TCF12: variants seen among roughly 807,000 people sequenced by gnomAD.
TCF12 encodes the protein DNA-binding protein HTF4.
In TCF12, 45 loss-of-function variants were observed where a neutral mutation model predicts 86.0. That is an observed-to-expected ratio of 0.52 (90% CI 0.41 to 0.67). TCF12 has a LOEUF of 0.67. TCF12 is among the 30% of genes least tolerant of loss of function. TCF12 has a pLI of 0.00. For synonymous variants in TCF12, 330 were observed against 299.6 expected (o/e 1.10, Z -1.05); for missense variants, 881 against 859.9 (o/e 1.02, Z -0.31).
chr15:57,120,160 A>G (rs150396112), intron 5 of TCF12, among the ~76,000 whole-genome samples: 5 of 152,126 alleles, frequency 3.3e-5, no homozygotes, highest in African/African-American at 1.2e-4. Flanking sequence ...TGCGTTGACT[A>G]CTCGGATGTA....
chr15:56,958,263 C>T (rs79526746), intron 3 of TCF12, among the ~76,000 whole-genome samples: 1 of 152,174 alleles, frequency 6.6e-6, no homozygotes, highest in African/African-American at 2.4e-5. Context: ...CCCTGGCCTG[C>T]AAACTTTCTT....
chr15:57,021,153 T>A (rs1469314685), intron 3 of TCF12, among the ~76,000 whole-genome samples: 1 of 152,144 alleles, frequency 6.6e-6, no homozygotes, highest in Non-Finnish European at 1.5e-5. Flanking sequence ...TAAAAAGAAG[T>A]TTAACTTTTC....
intron 4 of TCF12, among the ~76,000 whole-genome samples, chr15:57,065,972 C>T (rs1596359810): frequency 6.6e-6 from 1 of 152,094 alleles, no homozygotes. Context: ...ATTTTTGTTC[C>T]CATTGAAATC....
chr15:56,985,339 ATTTTAAAT>A (rs2140919677), intron 3 of TCF12, among the ~76,000 whole-genome samples: 1 of 152,326 alleles, frequency 6.6e-6, no homozygotes, highest in South Asian at 2.1e-4. Flanking sequence ...GCAAAGGATT[ATTTTAAAT>A]TGTGAGTCAG....
chr15:57,194,996 G>A (rs987484077), intron 7 of TCF12, among the ~76,000 whole-genome samples: 5 of 152,050 alleles, frequency 3.3e-5, no homozygotes, highest in East Asian at 1.9e-4. Flanking sequence ...TCTGCCTCCC[G>A]GGCTCAAGCG....
chr15:57,110,845 T>C (rs1340636914), intron 5 of TCF12, among the ~76,000 whole-genome samples: 2 of 152,230 alleles, frequency 1.3e-5, no homozygotes, highest in Admixed American at 6.5e-5. Flanking sequence ...TGAAACACTC[T>C]AGAAGCTTTA....
intron 16 of TCF12, among the ~76,000 whole-genome samples, chr15:57,254,838 A>G (rs557776614): frequency 6.9e-6 from 1 of 144,324 alleles, no homozygotes; most frequent in South Asian, 2.2e-4. Context: ...AGCCTAGGCC[A>G]TAGAGCATGA....
chr15:56,936,810 T>C (rs137867465), intron 3 of TCF12, among the ~76,000 whole-genome samples: 13 of 152,324 alleles, frequency 8.5e-5, no homozygotes, highest in Middle Eastern at 3.4e-3. Context: ...TTCTGGGTTC[T>C]GTATTCTGTT....
At chr15:57,219,632 A>C (rs1206943493) in intron 8 of TCF12, 1 of 1,592,856 alleles carries the variant, frequency 6.3e-7, no homozygotes, top group Non-Finnish European at 8.6e-7. Context: ...CACTTGTTTA[A>C]AGGAAAGCAG....
intron 8 of TCF12, among the ~76,000 whole-genome samples, chr15:57,228,907 AGACT>A (rs1260933367): frequency 6.6e-6 from 1 of 151,998 alleles, no homozygotes; most frequent in Non-Finnish European, 1.5e-5. Context: ...CAAGTATGAG[AGACT>A]GACTTACTGT....
chr15:57,113,232 A>C (rs190116174), intron 5 of TCF12, among the ~76,000 whole-genome samples: 3 of 152,236 alleles, frequency 2.0e-5, no homozygotes, highest in Admixed American at 2.0e-4. Flanking sequence ...ATGACACTGA[A>C]TTTCTTCTTA....
intron 3 of TCF12, among the ~76,000 whole-genome samples, chr15:56,975,504 A>G (rs976042242): frequency 6.6e-6 from 1 of 152,196 alleles, no homozygotes; most frequent in Non-Finnish European, 1.5e-5. Context: ...TAGCAATTTC[A>G]AATTATTAGA....
At chr15:56,981,583 C>T (rs1276986789) in intron 3 of TCF12, among the ~76,000 whole-genome samples, 1 of 152,140 alleles carries the variant, frequency 6.6e-6, no homozygotes, top group African/African-American at 2.4e-5. Context: ...CAAACCATAA[C>T]ACTTATATAC....
chr15:57,078,309 C>T (rs2733188), intron 4 of TCF12, among the ~76,000 whole-genome samples: 86,668 of 151,912 alleles, frequency 0.57, 24,954 homozygotes, highest in Admixed American at 0.61. Flanking sequence ...TGGTTTGTAC[C>T]TCATTTAAAT....
In TCF12 at chr15:57,248,024, GCAGCGGTTTTA is replaced by G. The variant is rs759041527; in HGVS notation, c.1115-3324_1115-3314del. The G allele has an allele frequency of 1.6e-5, 11 of 707,004 alleles. No homozygotes were observed. The South Asian group carries it at 1.6e-4, about 10-fold the overall frequency. 43.8% of individuals were successfully genotyped at this position (707,004 alleles called of 1,614,324 possible). A position where few individuals can be genotyped will look rare whatever the true frequency, so the allele number is the denominator to read the frequency against. ...CAGTGGTGGCAACGGCTGCAGTTGG[GCAGCGGTTTTA>G]CCTCCATTTTGAGACCAGACAACTG... On this transcript the variant is annotated intron_variant, in intron 13 of 20. Coordinates refer to ENST00000333725, the MANE Select transcript of TCF12 (RefSeq NM_207037.2).
intron 3 of TCF12, among the ~76,000 whole-genome samples, chr15:56,928,168 T>C (rs1013490886): frequency 3.0e-4 from 45 of 152,202 alleles, no homozygotes; most frequent in African/African-American, 1.1e-3. Context: ...GATATTTAAA[T>C]AATCAGAGCT....
chr15:56,960,548 G>C (rs1200166090), intron 3 of TCF12, among the ~76,000 whole-genome samples: 2 of 151,032 alleles, frequency 1.3e-5, no homozygotes, highest in East Asian at 4.0e-4. Flanking sequence ...TCCCACCTCA[G>C]CCTCCTCAGT....
rs374094590 is a variant in TCF12, at chr15:57,263,106, T to C, written c.1583-6T>C. 1.9e-5 allele frequency: 31 copies of C among 1,591,228 alleles called. No homozygotes were observed. Among genetic ancestry groups the C allele is most frequent in the Admixed American group, 9.7e-5 (5 of 51,662 alleles). ...TTATTTTATCTTTCCTTTGCCTCTT[T>C]GTTAGGTGGCTTGCAAAGTCAGTCT... On this transcript the variant is annotated splice_polypyrimidine_tract_variant and splice_region_variant and intron_variant, in intron 17 of 20. Transcript: ENST00000333725.
At chr15:57,137,891 G>A (rs1296066420) in intron 5 of TCF12, among the ~76,000 whole-genome samples, 1 of 152,116 alleles carries the variant, frequency 6.6e-6, no homozygotes, top group Non-Finnish European at 1.5e-5. Context: ...GCTGGGCATG[G>A]TGGCAGGCAT....
Sources: gnomAD v4.1 joint callset for allele counts (sites outside exome capture counted in the v4.1 genomes callset) on GRCh38, gnomAD v4.1.1 for gene constraint, MANE v1.5 for transcripts, NCBI Gene and HGNC (gene_info 2026-07-23, HGNC 2026-07-21) for gene names.